The following SGCZ variants were observed in gnomAD, a reference collection of about 807,000 sequenced individuals.
The protein encoded by SGCZ is zeta-sarcoglycan.
Under a neutral mutation model 41.3 loss-of-function variants are expected in SGCZ, and 40 were observed. That is an observed-to-expected ratio of 0.97 (90% CI 0.75 to 1.26). SGCZ has a LOEUF of 1.26. Ranked by LOEUF, SGCZ falls within the 50% of genes most tolerant of loss-of-function variation. The probability of loss-of-function intolerance (pLI) is 0.00; values close to 1 mark genes in which losing one functional copy is unlikely to be tolerated. For missense variants in SGCZ, 552 were observed against 369.8 expected, an observed-to-expected ratio of 1.49 and a Z score of -4.04; for synonymous variants, 206 against 137.5, an observed-to-expected ratio of 1.50 and a Z score of -3.49.
intron 1 of SGCZ, among the ~76,000 whole-genome samples, chr8:14,929,238 G>T (rs942373570): frequency 6.6e-6 from 1 of 152,022 alleles, no homozygotes; most frequent in Non-Finnish European, 1.5e-5. Flanking sequence ...TGATCCACCC[G>T]CCTCGGCCTC....
At chr8:14,370,188 T>C (rs972657077) in intron 2 of SGCZ, among the ~76,000 whole-genome samples, 1 of 151,876 alleles carries the variant, frequency 6.6e-6, no homozygotes, top group East Asian at 1.9e-4. Context: ...AAAGACTAAA[T>C]TGGTATAGCA....
intron 1 of SGCZ, among the ~76,000 whole-genome samples, chr8:14,593,051 C>G (rs766896048): frequency 6.6e-6 from 1 of 152,236 alleles, no homozygotes; most frequent in South Asian, 2.1e-4. Flanking sequence ...ATCAACCACA[C>G]CTGCCCTGGT....
At chr8:15,006,557 G>C (rs1242384306) in intron 1 of SGCZ, among the ~76,000 whole-genome samples, 1 of 152,138 alleles carries the variant, frequency 6.6e-6, no homozygotes, top group Non-Finnish European at 1.5e-5. Flanking sequence ...AGAAAATATA[G>C]TTCATAATTA....
At chr8:14,984,591 C>T (rs534158234) in intron 1 of SGCZ, among the ~76,000 whole-genome samples, 135 of 152,084 alleles carry the variant, frequency 8.9e-4, no homozygotes, top group African/African-American at 2.4e-3. Flanking sequence ...TATCATTTAA[C>T]AGGTTTTTCT....
At chr8:14,109,016 T>A (rs1376046805) in intron 5 of SGCZ, among the ~76,000 whole-genome samples, 1 of 152,144 alleles carries the variant, frequency 6.6e-6, no homozygotes, top group Non-Finnish European at 1.5e-5. Context: ...TATTGGTTTT[T>A]TAAAGACAAA....
intron 1 of SGCZ, among the ~76,000 whole-genome samples, chr8:14,869,643 C>A (rs1010958980): frequency 6.6e-6 from 1 of 152,136 alleles, no homozygotes; most frequent in African/African-American, 2.4e-5. Flanking sequence ...GAGAGGAAGT[C>A]AAATTGTCTC....
At chr8:15,011,841 G>T (rs866116894) in intron 1 of SGCZ, among the ~76,000 whole-genome samples, 1 of 152,100 alleles carries the variant, frequency 6.6e-6, no homozygotes, top group African/African-American at 2.4e-5. Flanking sequence ...TTATATTGAT[G>T]GTGGCTTTTA....
At chr8:14,945,676 C>T (rs1299163678) in intron 1 of SGCZ, among the ~76,000 whole-genome samples, 1 of 151,710 alleles carries the variant, frequency 6.6e-6, no homozygotes, top group Admixed American at 6.6e-5. Flanking sequence ...TCAATGTGGG[C>T]AGGCATCATC....
chr8:14,753,670 C>T (rs1799568127), intron 1 of SGCZ, among the ~76,000 whole-genome samples: 1 of 152,178 alleles, frequency 6.6e-6, no homozygotes, highest in African/African-American at 2.4e-5. Flanking sequence ...GTTAGTGTAA[C>T]ATCAGAATGG....
intron 4 of SGCZ, among the ~76,000 whole-genome samples, chr8:14,224,062 A>T (rs528806272): frequency 3.3e-5 from 5 of 152,324 alleles, no homozygotes; most frequent in South Asian, 2.1e-4. Context: ...TCTAATTTAC[A>T]TAATAAAGCA....
At chr8:14,665,735 G>A (rs898387643) in intron 1 of SGCZ, among the ~76,000 whole-genome samples, 4 of 152,058 alleles carry the variant, frequency 2.6e-5, no homozygotes, top group African/African-American at 9.7e-5. Flanking sequence ...GAAAAAAGAA[G>A]ATGCATCTAT....
intron 2 of SGCZ, among the ~76,000 whole-genome samples, chr8:14,422,829 C>A (rs950217062): frequency 1.3e-5 from 2 of 152,106 alleles, no homozygotes; most frequent in Non-Finnish European, 2.9e-5. Context: ...AAATCTGAGA[C>A]CAGCCTGGGC....
chr8:14,502,949 G>A (rs1451102897), intron 2 of SGCZ, among the ~76,000 whole-genome samples: 1 of 152,118 alleles, frequency 6.6e-6, no homozygotes, highest in Non-Finnish European at 1.5e-5. Context: ...TACTGGGTAT[G>A]TATTCAAGGG....
At chr8:14,829,330 G>A (rs772672657) in intron 1 of SGCZ, among the ~76,000 whole-genome samples, 2 of 140,992 alleles carry the variant, frequency 1.4e-5, no homozygotes, top group African/African-American at 3.0e-5. Context: ...TCCCAGAAAC[G>A]TCAATTCTTC....
intron 3 of SGCZ, among the ~76,000 whole-genome samples, chr8:14,308,607 C>T (rs1024762035): frequency 6.6e-6 from 1 of 151,590 alleles, no homozygotes; most frequent in Non-Finnish European, 1.5e-5. Flanking sequence ...AGAAACAATG[C>T]CACGTCTAAA....
At chr8:14,427,730 A>C (rs1799827608) in intron 2 of SGCZ, among the ~76,000 whole-genome samples, 1 of 152,172 alleles carries the variant, frequency 6.6e-6, no homozygotes, top group Non-Finnish European at 1.5e-5. Flanking sequence ...CACAAGGACC[A>C]AACAAAAAGG....
At chr8:14,494,855 T>G in intron 2 of SGCZ, among the ~76,000 whole-genome samples, 1 of 152,294 alleles carries the variant, frequency 6.6e-6, no homozygotes, top group East Asian at 1.9e-4. Flanking sequence ...ATTATTAGAC[T>G]TCAGAGCATT....
At chr8:14,204,050 G>A (rs938002085) in intron 4 of SGCZ, among the ~76,000 whole-genome samples, 1 of 152,060 alleles carries the variant, frequency 6.6e-6, no homozygotes, top group Non-Finnish European at 1.5e-5. Context: ...GGTGCATGTT[G>A]GAAATGCCAG....
rs984091113 is a variant in SGCZ at position 14,311,775 on chromosome 8, T to C, written c.336+12328A>G. Among the ~76,000 whole-genome samples the C allele has an allele frequency of 3.4e-5, 5 of 147,800 alleles. No homozygotes were observed. The Admixed American group carries it at 3.4e-4, about 10-fold the overall frequency. ...CGAATCATTCATTCACCCAGTAAAG[T>C]GAATGTTCACTGAAATGTGTATTTT... On this transcript the variant is annotated intron_variant, in intron 3 of 7. Transcript: ENST00000382080.
Sources: allele counts gnomAD v4.1 joint callset (sites outside exome capture counted in the v4.1 genomes callset), GRCh38; gene constraint gnomAD v4.1.1; transcripts MANE v1.5; gene names NCBI Gene and HGNC (gene_info 2026-07-23, HGNC 2026-07-21).